CABP1: variants seen among roughly 807,000 people sequenced by gnomAD.
CABP1 encodes the protein calcium-binding protein 1.
Under a neutral mutation model 34.3 loss-of-function variants are expected in CABP1, and 17 were observed. The ratio of observed to expected loss-of-function variants is 0.50; its 90% CI spans 0.34 to 0.74. The LOEUF is 0.74. Among genes scored for constraint, CABP1 ranks in the 30% least tolerant of loss-of-function variants. CABP1 has a pLI of 0.01. For synonymous variants in CABP1, 198 were observed against 229.2 expected (o/e 0.86, Z 1.23); for missense variants, 373 against 511.1 (o/e 0.73, Z 2.61).
At chr12:120,653,047 A>T (rs189994847) in intron 1 of CABP1, among the ~76,000 whole-genome samples, 1 of 152,322 alleles carries the variant, frequency 6.6e-6, no homozygotes. Context: ...GTTAGGCAGT[A>T]TTATGATCAA....
Position 120,641,884 on chromosome 12 carries a change from G to A in CABP1, c.654+545G>A, listed in dbSNP as rs1593152447. On this transcript the variant is annotated intron_variant, in intron 1 of 5. Transcript: ENST00000316803. This position sits in a 1 kb window ranked among gnomAD's most constrained non-coding sequence, Gnocchi z 6.7. ...AAAAATATGAGGAAAGAGAAGAGGT[G>A]TCTGGGTAGGCATGGAGGGGCATGC... is the stretch of plus-strand genomic sequence containing the variant. Among the ~76,000 whole-genome samples the A allele has an allele frequency of 6.6e-6, 1 of 152,222 alleles. No homozygotes were observed. The highest frequency in any genetic ancestry group is 1.5e-5 in the Non-Finnish European group (1 of 68,048).
the CABP1 span, among the ~76,000 whole-genome samples, chr12:120,675,171 G>A: frequency 6.6e-6 from 1 of 151,846 alleles, no homozygotes; most frequent in African/African-American, 2.4e-5. Flanking sequence ...TCCCACCTCA[G>A]CCTCCCAAGT....
chr12:120,655,956 G>A (rs552282303), intron 1 of CABP1: 39 of 1,542,966 alleles, frequency 2.5e-5, no homozygotes, highest in Admixed American at 2.3e-4. Context: ...GCCTGTGCAC[G>A]CTCAGGGCTC....
At chr12:120,668,881 G>A (rs1370369249), downstream of CABP1, among the ~76,000 whole-genome samples, 2 of 152,226 alleles carry the variant, frequency 1.3e-5, no homozygotes, top group Admixed American at 6.5e-5. Flanking sequence ...GCATACAGCA[G>A]AATTGCCTGG....
chr12:120,652,745 G>T (rs986704666), intron 1 of CABP1, among the ~76,000 whole-genome samples: 1 of 152,064 alleles, frequency 6.6e-6, no homozygotes, highest in Non-Finnish European at 1.5e-5. Context: ...CATTCATTCG[G>T]CAAGAGGGAG....
At chr12:120,646,912 G>A (rs1037725792) in intron 1 of CABP1, among the ~76,000 whole-genome samples, 3 of 152,146 alleles carry the variant, frequency 2.0e-5, no homozygotes, top group African/African-American at 7.2e-5. Flanking sequence ...AAAGCACGTC[G>A]AAATCCCTGG....
Position 120,654,211 on chromosome 12 carries a change from A to G in CABP1, c.655-5667A>G, listed in dbSNP as rs1006246904. ...AAACAGACATTTATTGCACTCATCA[A>G]ACTTGACCCTGGGACTGAGTTCCTT... On this transcript the variant is annotated intron_variant, in intron 1 of 5. Coordinates refer to ENST00000316803, the MANE Select transcript of CABP1 (RefSeq NM_001033677.2). Among the ~76,000 whole-genome samples the G allele has an allele frequency of 2.6e-5, 4 of 152,266 alleles. No individual in the cohort carries two copies. In the East Asian group the frequency reaches 5.8e-4, roughly 22 times the overall value.
chr12:120,665,155 G>C (rs368973942), intron 5 of CABP1, among the ~76,000 whole-genome samples: 1 of 152,096 alleles, frequency 6.6e-6, no homozygotes, highest in Admixed American at 6.6e-5. Flanking sequence ...AGGTACAGTG[G>C]CACATGCCTG....
chr12:120,644,021 G>A (rs994309708), intron 1 of CABP1, among the ~76,000 whole-genome samples: 2 of 152,218 alleles, frequency 1.3e-5, no homozygotes, highest in African/African-American at 4.8e-5. Context: ...TGACCTCATA[G>A]AGCATCCTTA....
At chr12:120,654,475 T>C (rs1043273820) in intron 1 of CABP1, among the ~76,000 whole-genome samples, 1 of 152,194 alleles carries the variant, frequency 6.6e-6, no homozygotes, top group Admixed American at 6.5e-5. Flanking sequence ...TTCTTTGCCC[T>C]GGAGGAATCT....
intron 1 of CABP1, among the ~76,000 whole-genome samples, chr12:120,658,700 C>A (rs1351978581): frequency 6.6e-6 from 1 of 152,198 alleles, no homozygotes; most frequent in Non-Finnish European, 1.5e-5. Context: ...CTCATCCTGG[C>A]CCCGTTGGCT....
chr12:120,645,274 T>C (rs1330078320), intron 1 of CABP1, among the ~76,000 whole-genome samples: 2 of 152,160 alleles, frequency 1.3e-5, no homozygotes, highest in Non-Finnish European at 2.9e-5. Context: ...AGGCTTTCTC[T>C]GGGGCCTGGG....
chr12:120,670,693 A>C (rs1881223036), downstream of CABP1, among the ~76,000 whole-genome samples: 1 of 152,130 alleles, frequency 6.6e-6, no homozygotes, highest in African/African-American at 2.4e-5. Context: ...GGTTGCAGTG[A>C]GCGGAGATTG....
At position 120,640,696 on chromosome 12, in the gene CABP1, G is replaced by A. The variant is rs2137322017; in HGVS notation, c.11G>A (p.Gly4Asp). The A allele has an allele frequency of 8.5e-7, 1 of 1,181,900 alleles. No homozygotes were observed. 73.2% of individuals were successfully genotyped at this position (1,181,900 alleles called of 1,614,324 possible). MGG[G>D]DGAAFKRPGD... Reference sequence around the variant, plus strand: ...AGGCTGCGCTGTCACATGGGCGGCGGCGACGGGGCCGCATTTAAGCGGCCG... The same window carrying A: ...AGGCTGCGCTGTCACATGGGCGGCGACGACGGGGCCGCATTTAAGCGGCCG... Residue 4 changes from glycine to aspartate, a missense_variant, in exon 1 of 6, where the codon GGC (glycine) becomes GAC (aspartate). This residue lies in a region of CABP1 where 134 missense variants were observed against 145.4 expected (regional missense o/e 0.92). Coordinates refer to ENST00000316803, the MANE Select transcript of CABP1 (RefSeq NM_001033677.2). The surrounding 1 kb of genome is among the most constrained non-coding windows in gnomAD (Gnocchi z 6.2).
At chr12:120,642,702 C>A (rs9667995) in intron 1 of CABP1, among the ~76,000 whole-genome samples, 1 of 152,032 alleles carries the variant, frequency 6.6e-6, no homozygotes, top group Non-Finnish European at 1.5e-5. Context: ...TGCCAGGGCA[C>A]GAGTGGTCTT....
In CABP1 at chr12:120,640,992, G is replaced by A; in HGVS notation, c.307G>A (p.Gly103Ser). The part of the protein sequence containing the change: ...DPGLPSRRLP[G>S]SCPATPQSSG... ...GGGGCTGCCTAGCCGCCGGCTACCC[G>A]GCTCCTGCCCGGCGACGCCGCAGTC... is the stretch of plus-strand genomic sequence containing the variant. Residue 103 changes from glycine (G) to serine (S), a missense_variant, in exon 1 of 6, where the codon GGC becomes AGC. Gly to Ser is a moderately conservative substitution (Grantham distance 56, BLOSUM62 0). Around this residue, in one of 4 missense-constraint regions of CABP1, gnomAD observed 134 missense variants for 145.4 expected, o/e 0.92. Transcript: ENST00000316803. The surrounding 1 kb of genome is among the most constrained non-coding windows in gnomAD (Gnocchi z 6.2). The A allele has an allele frequency of 2.6e-6, 3 of 1,159,184 alleles. No homozygotes were observed. Among genetic ancestry groups the A allele is most frequent in the African/African-American group, 1.6e-5 (1 of 61,536 alleles). 71.8% of individuals were successfully genotyped at this position (1,159,184 alleles called of 1,614,324 possible).
At chr12:120,651,901 A>G (rs1879870260) in intron 1 of CABP1, among the ~76,000 whole-genome samples, 2 of 152,236 alleles carry the variant, frequency 1.3e-5, no homozygotes, top group Admixed American at 1.3e-4. Context: ...AGAGAAGCAG[A>G]AAGTGATCTG....
the CABP1 span, among the ~76,000 whole-genome samples, chr12:120,677,979 C>T: frequency 6.6e-6 from 1 of 152,176 alleles, no homozygotes; most frequent in African/African-American, 2.4e-5. Context: ...CCAGGTTTCT[C>T]AGTTCGAGTT....
Position 120,661,268 on chromosome 12 carries a change from A to T in CABP1, c.1087+50A>T. 1 of 1,581,310 alleles carries T rather than the reference A, an allele frequency of 6.3e-7. No individual in the cohort carries two copies. The highest frequency in any genetic ancestry group is 8.5e-7 in the Non-Finnish European group (1 of 1,170,558). ...AGAAGCAAGCCAGCAGTGGCCATCCATGGAGCCCTCCAATTGTGTATCCAT... is the reference window on the plus strand; with the variant it reads ...AGAAGCAAGCCAGCAGTGGCCATCCTTGGAGCCCTCCAATTGTGTATCCAT... On this transcript the variant is annotated intron_variant, in intron 5 of 5. Transcript: ENST00000316803. This position sits in a 1 kb window ranked among gnomAD's most constrained non-coding sequence, Gnocchi z 5.1.
Sources: gnomAD v4.1 joint callset for allele counts (sites outside exome capture counted in the v4.1 genomes callset) on GRCh38, gnomAD v4.1.1 for gene constraint, gnomAD v4.1.1 regional missense constraint, Gnocchi (gnomAD v3.1) non-coding constraint, MANE v1.5 for transcripts, NCBI Gene and HGNC (gene_info 2026-07-23, HGNC 2026-07-21) for gene names.